MACROD2: variants seen among roughly 807,000 people sequenced by gnomAD.
MACROD2 encodes ADP-ribose glycohydrolase MACROD2.
In MACROD2, 36 loss-of-function variants were observed where a neutral mutation model predicts 70.4. That is an observed-to-expected ratio of 0.51 (90% CI 0.39 to 0.68). The LOEUF is 0.68. Among genes scored for constraint, MACROD2 ranks in the 30% least tolerant of loss-of-function variants. MACROD2 has a pLI of 0.00. For synonymous variants in MACROD2, 172 were observed against 178.8 expected (o/e 0.96, Z 0.30); for missense variants, 496 against 538.4 (o/e 0.92, Z 0.78).
intron 4 of MACROD2, among the ~76,000 whole-genome samples, chr20:14,609,072 C>T (rs1166359661): frequency 6.6e-6 from 1 of 151,918 alleles, no homozygotes; most frequent in African/African-American, 2.4e-5. Context: ...TTGTTTTTGT[C>T]ACAATGGGAA....
At chr20:14,952,846 G>T (rs2074486723) in intron 5 of MACROD2, among the ~76,000 whole-genome samples, 1 of 152,056 alleles carries the variant, frequency 6.6e-6, no homozygotes, top group South Asian at 2.1e-4. Flanking sequence ...AAAGGAACAT[G>T]ACATTCTCCT....
At chr20:14,012,548 A>G (rs1164340427) in intron 2 of MACROD2, among the ~76,000 whole-genome samples, 1 of 152,172 alleles carries the variant, frequency 6.6e-6, no homozygotes, top group Non-Finnish European at 1.5e-5. Context: ...TGTATCTTAA[A>G]TGGTGAGGGA....
chr20:14,261,538 T>G (rs979033115), intron 3 of MACROD2, among the ~76,000 whole-genome samples: 2 of 152,156 alleles, frequency 1.3e-5, no homozygotes, highest in Non-Finnish European at 2.9e-5. Flanking sequence ...TCTACACATG[T>G]GTGTGTATGT....
rs184240855 is a variant in MACROD2, at chr20:15,219,721, C to T, written c.419-10219C>T. 1.1e-4 allele frequency among the ~76,000 whole-genome samples: 17 copies of T among 152,072 alleles called. 1 individual carries two copies. The East Asian group carries it at 1.5e-3, about 14-fold the overall frequency. On this transcript the variant is annotated intron_variant, in intron 5 of 17. Coordinates refer to ENST00000684519, the MANE Select transcript of MACROD2 (RefSeq NM_001351661.2). ...ATCAATTTCAGAGAGAAATCAGATCCGCTTTATTTTGGTGGAGAGGTGGAT... is the reference window on the plus strand; with the variant it reads ...ATCAATTTCAGAGAGAAATCAGATCTGCTTTATTTTGGTGGAGAGGTGGAT...
chr20:14,214,323 T>C (rs1601355725), intron 3 of MACROD2, among the ~76,000 whole-genome samples: 1 of 152,108 alleles, frequency 6.6e-6, no homozygotes, highest in East Asian at 1.9e-4. Context: ...AGAGAGACCA[T>C]GTAGTGCCAT....
At chr20:14,191,087 C>T (rs1418141546) in intron 3 of MACROD2, among the ~76,000 whole-genome samples, 1 of 151,466 alleles carries the variant, frequency 6.6e-6, no homozygotes, top group Admixed American at 6.6e-5. Flanking sequence ...ACATTACATT[C>T]GTGTGCATAC....
At chr20:15,646,463 C>T (rs938753426) in intron 8 of MACROD2, among the ~76,000 whole-genome samples, 2 of 152,104 alleles carry the variant, frequency 1.3e-5, no homozygotes, top group East Asian at 1.9e-4. Flanking sequence ...TTGGGAGCTA[C>T]GTGTTATTTT....
At position 15,275,623 on chromosome 20, in the gene MACROD2, A is replaced by C. The variant is rs147585968; in HGVS notation, c.540+45562A>C. Among the ~76,000 whole-genome samples, 524 of 152,318 alleles carry C rather than the reference A, an allele frequency of 3.4e-3. 1 individual carries two copies. The highest frequency in any genetic ancestry group is 6.8e-3 in the Admixed American group (104 of 15,294). ...GCGGATCATTTCATTCAAGACTGTA[A>C]TTTCTAGGTGGAATGCAAGCACAGA... On this transcript the variant is annotated intron_variant, in intron 6 of 17. Transcript: ENST00000684519.
intron 10 of MACROD2, among the ~76,000 whole-genome samples, chr20:15,899,737 G>A (rs1468333581): frequency 3.3e-5 from 5 of 152,122 alleles, no homozygotes; most frequent in African/African-American, 1.2e-4. Flanking sequence ...GTAGGCATAC[G>A]TGGGATGCTC....
At chr20:15,210,641 C>T (rs2076755376) in intron 5 of MACROD2, among the ~76,000 whole-genome samples, 1 of 143,892 alleles carries the variant, frequency 6.9e-6, no homozygotes. Context: ...GAATTGTAAT[C>T]CCCAGTGTTA....
chr20:14,702,613 G>A (rs796776280), intron 5 of MACROD2, among the ~76,000 whole-genome samples: 291 of 23,046 alleles, frequency 0.013, 33 homozygotes, highest in African/African-American at 0.039. Context: ...ATATATATGT[G>A]TATATATATA....
chr20:15,464,355 C>A (rs1207317081), intron 7 of MACROD2, among the ~76,000 whole-genome samples: 1 of 152,080 alleles, frequency 6.6e-6, no homozygotes, highest in East Asian at 1.9e-4. Flanking sequence ...ACAAGTCATT[C>A]CCTGACACCA....
intron 5 of MACROD2, chr20:14,929,641 G>C (rs1360321981): frequency 6.6e-6 from 1 of 152,112 alleles, no homozygotes; most frequent in Non-Finnish European, 1.5e-5. Context: ...AGGAGGGAGA[G>C]TGGAGCTGAA....
intron 2 of MACROD2, among the ~76,000 whole-genome samples, chr20:14,051,203 TGA>T (rs971453273): frequency 6.6e-5 from 10 of 152,068 alleles, no homozygotes; most frequent in South Asian, 2.1e-4. Context: ...GATGGAGGAA[TGA>T]GAGAGGAATT....
At chr20:15,691,601 G>A (rs564903609) in intron 8 of MACROD2, among the ~76,000 whole-genome samples, 42 of 152,102 alleles carry the variant, frequency 2.8e-4, no homozygotes, top group Non-Finnish European at 4.9e-4. Flanking sequence ...CTCTAAGTAG[G>A]GACATAGACA....
chr20:14,316,973 C>T (rs1192774409), intron 3 of MACROD2, among the ~76,000 whole-genome samples: 1 of 152,124 alleles, frequency 6.6e-6, no homozygotes, highest in Non-Finnish European at 1.5e-5. Flanking sequence ...TTAAAAACTG[C>T]CCGTTTTCTT....
intron 8 of MACROD2, among the ~76,000 whole-genome samples, chr20:15,733,347 A>G (rs1245643018): frequency 1.3e-5 from 2 of 151,818 alleles, no homozygotes; most frequent in East Asian, 3.9e-4. Context: ...TTTTAATTTC[A>G]TTGATTTCTA....
chr20:14,085,806 T>C, intron 3 of MACROD2, 78 bp downstream of exon 3: 3 of 812,044 alleles, frequency 3.7e-6, no homozygotes, highest in Non-Finnish European at 5.4e-6. Flanking sequence ...AGAATGTAAG[T>C]ATTTTAGAAA....
chr20:14,999,771 T>C (rs1242811981), intron 5 of MACROD2, among the ~76,000 whole-genome samples: 1 of 152,246 alleles, frequency 6.6e-6, no homozygotes, highest in African/African-American at 2.4e-5. Context: ...TTGTCATCAA[T>C]CTAAAATAAT....
Sources: gnomAD v4.1 joint callset for allele counts (sites outside exome capture counted in the v4.1 genomes callset) on GRCh38, gnomAD v4.1.1 for gene constraint, MANE v1.5 for transcripts, NCBI Gene and HGNC (gene_info 2026-07-23, HGNC 2026-07-21) for gene names.